METTL8: variants seen among roughly 807,000 people sequenced by gnomAD.
METTL8 encodes the protein methyltransferase 8, tRNA N3-cytidine, also known as tRNA N(3)-cytidine methyltransferase METTL8, mitochondrial.
Under a neutral mutation model 48.7 loss-of-function variants are expected in METTL8, and 32 were observed. The observed-to-expected ratio is 0.66, with a 90% CI of 0.50 to 0.88. The LOEUF (loss-of-function observed/expected upper bound fraction) is 0.88, where lower values mean the gene tolerates loss of function less well. Ranked by LOEUF, METTL8 falls within the 40% of genes least tolerant of loss-of-function variation. The pLI, the probability that METTL8 is intolerant of heterozygous loss-of-function variation, is 0.00. For synonymous variants in METTL8, 136 were observed against 157.1 expected (o/e 0.87, Z 1.01); for missense variants, 464 against 474.4 (o/e 0.98, Z 0.20).
Position 171,324,094 on chromosome 2 carries a change from C to G in METTL8, c.*78G>C. ...AATTCTCTTCTTTTTTTCTCATTGT[C>G]TTTTGAGAAACAATAGACTTACAGT... is the stretch of plus-strand genomic sequence containing the variant. On this transcript the variant is annotated 3_prime_UTR_variant, in exon 10 of 10. Coordinates refer to ENST00000375258, the MANE Select transcript of METTL8 (RefSeq NM_001321154.2). 9.1e-7 allele frequency: 1 copy of G among 1,100,818 alleles called. No individual in the cohort carries two copies. 68.2% of individuals were successfully genotyped at this position (1,100,818 alleles called of 1,614,324 possible).
chr2:171,354,282 C>T (rs1050639999), intron 3 of METTL8, among the ~76,000 whole-genome samples: 9 of 152,168 alleles, frequency 5.9e-5, no homozygotes, highest in South Asian at 2.1e-4. Flanking sequence ...TGTTGAATAT[C>T]GGCCCCCACT....
At chr2:171,349,517 C>T (rs1415464055) in intron 3 of METTL8, among the ~76,000 whole-genome samples, 2 of 152,156 alleles carry the variant, frequency 1.3e-5, no homozygotes, top group African/African-American at 2.4e-5. Flanking sequence ...AGCCAGAACA[C>T]GATTCCATTT....
At chr2:171,397,723 A>G (rs1689251372) in intron 1 of METTL8, among the ~76,000 whole-genome samples, 1 of 152,162 alleles carries the variant, frequency 6.6e-6, no homozygotes, top group Non-Finnish European at 1.5e-5. Context: ...ACTTCCAATA[A>G]TAGGAATGAA....
intron 3 of METTL8, among the ~76,000 whole-genome samples, chr2:171,353,859 A>T (rs1684229470): frequency 6.6e-6 from 1 of 152,160 alleles, no homozygotes; most frequent in Non-Finnish European, 1.5e-5. Context: ...GTGTCTCTGC[A>T]CATGAGATGG....
At chr2:171,385,666 A>G (rs930257659) in intron 2 of METTL8, among the ~76,000 whole-genome samples, 4 of 152,184 alleles carry the variant, frequency 2.6e-5, no homozygotes, top group Non-Finnish European at 5.9e-5. Context: ...TATGCTATGA[A>G]GATGGATGGC....
intron 3 of METTL8, among the ~76,000 whole-genome samples, chr2:171,354,480 T>C (rs1449197692): frequency 6.6e-6 from 1 of 152,178 alleles, no homozygotes. Context: ...GCGTTCTCTG[T>C]ATTTCCTGAA....
chr2:171,375,197 G>A lies in METTL8; in HGVS notation c.144-14684C>T, dbSNP rs994979293. 27 of 1,400,584 alleles carry A rather than the reference G, an allele frequency of 1.9e-5. No homozygotes were observed. The East Asian group carries it at 2.7e-4, about 14-fold the overall frequency. The allele number at this position is 1,400,584 out of a possible 1,614,324, so 86.8% of individuals were successfully genotyped here. A position where few individuals can be genotyped will look rare whatever the true frequency, so the allele number is the denominator to read the frequency against. On this transcript the variant is annotated intron_variant, in intron 2 of 9. Coordinates refer to ENST00000375258, the MANE Select transcript of METTL8 (RefSeq NM_001321154.2). ...ATGGCCTTGTCCTTGGGCACGCATCGGGTACAGTTAGTGCAGCGAATAGGA... is the reference window on the plus strand; with the variant it reads ...ATGGCCTTGTCCTTGGGCACGCATCAGGTACAGTTAGTGCAGCGAATAGGA...
chr2:171,377,526 C>T (rs895057555), intron 2 of METTL8, among the ~76,000 whole-genome samples: 1 of 151,982 alleles, frequency 6.6e-6, no homozygotes, highest in African/African-American at 2.4e-5. Flanking sequence ...ACAAGGAACT[C>T]AAATCAGCAA....
At chr2:171,402,014 C>G (rs945128649) in intron 1 of METTL8, among the ~76,000 whole-genome samples, 3 of 152,076 alleles carry the variant, frequency 2.0e-5, no homozygotes, top group African/African-American at 7.2e-5. Context: ...AACAAAGAAT[C>G]CTGACATGAT....
chr2:171,354,477 C>G (rs1334814786), intron 3 of METTL8, among the ~76,000 whole-genome samples: 1 of 152,140 alleles, frequency 6.6e-6, no homozygotes, highest in Non-Finnish European at 1.5e-5. Context: ...GTGGCGTTCT[C>G]TGTATTTCCT....
intron 1 of METTL8, among the ~76,000 whole-genome samples, chr2:171,427,961 CTGAG>C (rs1021159689): frequency 2.6e-5 from 4 of 152,206 alleles, no homozygotes; most frequent in Admixed American, 1.3e-4. Context: ...GTTTAATAAC[CTGAG>C]TATTTTATAC....
intron 3 of METTL8, among the ~76,000 whole-genome samples, chr2:171,341,544 CTTTTTTTTCCCTTT>C (rs2105425258): frequency 6.7e-6 from 1 of 150,374 alleles, no homozygotes; most frequent in African/African-American, 2.5e-5. Flanking sequence ...TGGCACGTTC[CTTTTTTTTCCCTTT>C]TTTTTTTTCC....
rs1241245869 is a variant in METTL8, at chr2:171,320,645, C to T, written c.*3527G>A. On this transcript the variant is annotated 3_prime_UTR_variant, in exon 10 of 10. Transcript: ENST00000375258. ...TGTAATACTTTCATGACTAGTTTGGCTTTTTAATGTACACTTTAATTATGA... is the reference window on the plus strand; with the variant it reads ...TGTAATACTTTCATGACTAGTTTGGTTTTTTAATGTACACTTTAATTATGA... 6.6e-6 allele frequency: 1 copy of T among 152,182 alleles called. No individual in the cohort carries two copies. Among genetic ancestry groups the T allele is most frequent in the African/African-American group, 2.4e-5 (1 of 41,444 alleles). 9.4% of individuals were successfully genotyped at this position (152,182 alleles called of 1,614,324 possible).
chr2:171,365,352 A>G (rs970937283), intron 2 of METTL8, among the ~76,000 whole-genome samples: 4 of 152,182 alleles, frequency 2.6e-5, no homozygotes, highest in Non-Finnish European at 5.9e-5. Context: ...CCAATGCTAT[A>G]CATCTTATTA....
chr2:171,417,911 G>A (rs544899964), intron 1 of METTL8, among the ~76,000 whole-genome samples: 2 of 150,916 alleles, frequency 1.3e-5, no homozygotes, highest in South Asian at 4.2e-4. Flanking sequence ...TCCTTTTTCT[G>A]TTCCGGGACC....
chr2:171,429,768 G>C (rs1454122046), intron 1 of METTL8, among the ~76,000 whole-genome samples: 1 of 152,190 alleles, frequency 6.6e-6, no homozygotes, highest in Non-Finnish European at 1.5e-5. Flanking sequence ...AGCCAGGCGT[G>C]GTGGCTCACG....
chr2:171,367,719 G>C (rs1455350890), intron 2 of METTL8, among the ~76,000 whole-genome samples: 1 of 152,164 alleles, frequency 6.6e-6, no homozygotes, highest in Non-Finnish European at 1.5e-5. Flanking sequence ...TTTACATATA[G>C]AGGTAAACTG....
At chr2:171,429,297 A>G (rs1453050899) in intron 1 of METTL8, among the ~76,000 whole-genome samples, 1 of 152,210 alleles carries the variant, frequency 6.6e-6, no homozygotes, top group Non-Finnish European at 1.5e-5. Context: ...GGACTACTGT[A>G]TGTAAATGAT....
At chr2:171,359,165 C>A (rs2105469527) in intron 3 of METTL8, among the ~76,000 whole-genome samples, 1 of 135,244 alleles carries the variant, frequency 7.4e-6, no homozygotes, top group South Asian at 2.4e-4. Context: ...GGCAACAAGA[C>A]CCTGTCTCAA....
Sources: allele counts gnomAD v4.1 joint callset (sites outside exome capture counted in the v4.1 genomes callset), GRCh38; gene constraint gnomAD v4.1.1; transcripts MANE v1.5; gene names NCBI Gene and HGNC (gene_info 2026-07-23, HGNC 2026-07-21).